Variants in TBL1X observed in about 807,000 individuals in gnomAD.
TBL1X encodes the protein F-box-like/WD repeat-containing protein TBL1X.
TBL1X carries 10 observed loss-of-function variants against 50.7 expected under a neutral mutation model. The ratio of observed to expected loss-of-function variants is 0.20; its 90% CI spans 0.12 to 0.33. The LOEUF (loss-of-function observed/expected upper bound fraction) is 0.33. Ranked by LOEUF, TBL1X falls within the 10% of genes least tolerant of loss-of-function variation. TBL1X has a pLI of 1.00. For missense variants in TBL1X, 340 were observed against 504.4 expected, an observed-to-expected ratio of 0.67 and a Z score of 3.12; for synonymous variants, 190 against 214.7, an observed-to-expected ratio of 0.88 and a Z score of 1.01.
intron 2 of TBL1X, among the ~76,000 whole-genome samples, chrX:9,628,607 C>T (rs183952736): frequency 0.014 from 1,478 of 106,860 alleles, 7 homozygotes; most frequent in Middle Eastern, 0.043. Context: ...AGTGCAATGG[C>T]GTGATCTCAG....
At chrX:9,548,140 A>T (rs1251434888) in intron 2 of TBL1X, among the ~76,000 whole-genome samples, 1 of 109,366 alleles carries the variant, frequency 9.1e-6, no homozygotes, top group Non-Finnish European at 1.9e-5. Context: ...AAGTTACTTA[A>T]TTTTTCTCCG....
At chrX:9,673,820 A>C (rs1282297239) in intron 5 of TBL1X, among the ~76,000 whole-genome samples, 1 of 112,177 alleles carries the variant, frequency 8.9e-6, no homozygotes, top group Non-Finnish European at 1.9e-5. Context: ...TAATCCCAGC[A>C]CTTTGGGAGG....
chrX:9,591,778 A>G (rs1420871742), intron 2 of TBL1X, among the ~76,000 whole-genome samples: 2 of 111,874 alleles, frequency 1.8e-5, no homozygotes, highest in African/African-American at 3.2e-5. Flanking sequence ...CAGAGGAGGA[A>G]GGCATCCTTG....
chrX:9,640,625 TTTTGTTTTTG>T (rs2082770845), intron 3 of TBL1X, among the ~76,000 whole-genome samples: 1 of 105,334 alleles, frequency 9.5e-6, no homozygotes, highest in Non-Finnish European at 2.0e-5. Context: ...TTTTGTTTTG[TTTTGTTTTTG>T]TTTGTTTGTT....
intron 2 of TBL1X, among the ~76,000 whole-genome samples, chrX:9,633,035 G>A (rs2082729276): frequency 8.9e-6 from 1 of 112,430 alleles, no homozygotes; most frequent in African/African-American, 3.2e-5. Flanking sequence ...TCAAACTGTA[G>A]TTTTCTTCTG....
intron 9 of TBL1X, 107 bp downstream of exon 9, chrX:9,692,361 C>T (rs1280934664): frequency 9.9e-7 from 1 of 1,008,352 alleles, no homozygotes; most frequent in Non-Finnish European, 1.3e-6. Context: ...GCAGGTGGTC[C>T]TGTGTGCTCA....
intron 2 of TBL1X, among the ~76,000 whole-genome samples, chrX:9,590,362 G>GT (rs747934973): frequency 0.063 from 5,517 of 87,135 alleles, 120 homozygotes; most frequent in Middle Eastern, 0.15. Context: ...AAGATTAAAA[G>GT]TTTTTTTTTT....
intron 9 of TBL1X, among the ~76,000 whole-genome samples, chrX:9,692,711 C>T (rs1422188668): frequency 8.9e-6 from 1 of 112,874 alleles, no homozygotes; most frequent in Non-Finnish European, 1.9e-5. Context: ...CCCGGCCAGT[C>T]TTGGCTTCTA....
chrX:9,591,768 C>T (rs780545221), intron 2 of TBL1X, among the ~76,000 whole-genome samples: 4 of 111,757 alleles, frequency 3.6e-5, no homozygotes, highest in Non-Finnish European at 7.5e-5. Context: ...TTCTGGAGTC[C>T]AGAGGAGGAA....
At chrX:9,554,028 G>A (rs1235780013) in intron 2 of TBL1X, among the ~76,000 whole-genome samples, 2 of 111,246 alleles carry the variant, frequency 1.8e-5, no homozygotes, top group Non-Finnish European at 3.8e-5. Context: ...CTACAGGTGT[G>A]CACCTCCACA....
intron 12 of TBL1X, among the ~76,000 whole-genome samples, chrX:9,703,198 T>C (rs150660256): frequency 0.014 from 1,374 of 95,226 alleles, 23 homozygotes; most frequent in African/African-American, 0.052. Context: ...GTGGGGTTGC[T>C]CAGAACCTTC....
In TBL1X at chrX:9,693,283, C is replaced by T. The variant is rs148489324; in HGVS notation, c.956-39C>T. ...CGAACTTAACCCTTGAGTGAACAGA[C>T]CATGACATTGAGGTCAACATGTTTG... On this transcript the variant is annotated intron_variant, in intron 10 of 17. Coordinates refer to ENST00000645353, the MANE Select transcript of TBL1X (RefSeq NM_005647.4). The T allele has an allele frequency of 4.4e-5, 53 of 1,207,099 alleles. No individual in the cohort carries two copies. In the Admixed American group the frequency reaches 1.1e-3, roughly 24 times the overall value.
intron 1 of TBL1X, among the ~76,000 whole-genome samples, chrX:9,468,732 A>C (rs7878742): frequency 2.7e-5 from 3 of 109,677 alleles, no homozygotes; most frequent in Non-Finnish European, 5.7e-5. Context: ...GGTGGGTAGG[A>C]GTATATATAT....
intron 12 of TBL1X, among the ~76,000 whole-genome samples, chrX:9,700,620 G>A (rs963079063): frequency 6.3e-5 from 7 of 111,809 alleles, no homozygotes; most frequent in African/African-American, 1.3e-4. Context: ...AAAGAAGCTC[G>A]CTCTTCCAGG....
At chrX:9,615,753 G>C (rs1439287325) in intron 2 of TBL1X, among the ~76,000 whole-genome samples, 5 of 112,119 alleles carry the variant, frequency 4.5e-5, no homozygotes, top group Non-Finnish European at 7.5e-5. Flanking sequence ...GGCCAGAGAT[G>C]ATCTCACATG....
intron 5 of TBL1X, among the ~76,000 whole-genome samples, chrX:9,659,428 G>A (rs2082884453): frequency 8.9e-6 from 1 of 112,646 alleles, no homozygotes; most frequent in Admixed American, 9.4e-5. Context: ...ATGCTGTTGT[G>A]TGCACCAGCC....
intron 2 of TBL1X, among the ~76,000 whole-genome samples, chrX:9,591,492 T>G (rs1015203335): frequency 3.5e-5 from 4 of 112,733 alleles, no homozygotes; most frequent in Non-Finnish European, 7.5e-5. Flanking sequence ...TACTTGTTAT[T>G]CTGGAGTATA....
intron 3 of TBL1X, among the ~76,000 whole-genome samples, chrX:9,644,004 G>A (rs757776197): frequency 1.8e-4 from 20 of 112,204 alleles, no homozygotes; most frequent in Middle Eastern, 4.6e-3. Context: ...CATCATATGT[G>A]TAGGTGAACC....
chrX:9,524,975 C>G (rs2082125071), intron 2 of TBL1X, among the ~76,000 whole-genome samples: 1 of 111,536 alleles, frequency 9.0e-6, no homozygotes. Context: ...TGGTCTTGAA[C>G]TCCTGGGCTC....
Sources: allele counts gnomAD v4.1 joint callset (sites outside exome capture counted in the v4.1 genomes callset), GRCh38; gene constraint gnomAD v4.1.1; transcripts MANE v1.5; gene names NCBI Gene and HGNC (gene_info 2026-07-23, HGNC 2026-07-21).